ZNF516: variants seen among roughly 807,000 people sequenced by gnomAD.
ZNF516 encodes the protein zinc finger protein 516.
Under a neutral mutation model 79.7 loss-of-function variants are expected in ZNF516, and 19 were observed. The observed-to-expected ratio is 0.24, with a 90% confidence interval of 0.17 to 0.35. The LOEUF is 0.35. Among genes scored for constraint, ZNF516 ranks in the 10% least tolerant of loss-of-function variants. The pLI is 1.00. For missense variants in ZNF516, 1,678 were observed against 1,679.5 expected, an observed-to-expected ratio of 1.00 and a Z score of 0.02; for synonymous variants, 877 against 739.5, an observed-to-expected ratio of 1.19 and a Z score of -3.02.
rs868721467 is a variant in ZNF516 at position 76,360,650 on chromosome 18, T to C, written c.*1848A>G. The C allele has an allele frequency of 2.1e-5, 1 of 48,202 alleles. No homozygotes were observed. The highest frequency in any genetic ancestry group is 4.2e-5 in the Non-Finnish European group (1 of 23,882). 3.0% of individuals were successfully genotyped at this position (48,202 alleles called of 1,614,324 possible). On this transcript the variant is annotated 3_prime_UTR_variant, in exon 7 of 7. Transcript: ENST00000443185. ...AAATAAGTAAAAAAAAAAAAAAATA[T>C]ATATATATATATATATATATATATA...
chr18:76,377,064 G>C (rs892856561), intron 4 of ZNF516, among the ~76,000 whole-genome samples: 47 of 152,252 alleles, frequency 3.1e-4, no homozygotes, highest in Non-Finnish European at 4.3e-4. Flanking sequence ...ACGTGACTGA[G>C]AAACCCTGCT....
intron 4 of ZNF516, among the ~76,000 whole-genome samples, chr18:76,374,442 A>G (rs1406246706): frequency 6.6e-6 from 1 of 152,212 alleles, no homozygotes; most frequent in Non-Finnish European, 1.5e-5. Context: ...TAAAGGAGGT[A>G]GCAATAGTTC....
At chr18:76,475,582 G>A (rs889842627) in intron 1 of ZNF516, among the ~76,000 whole-genome samples, 2 of 152,162 alleles carry the variant, frequency 1.3e-5, no homozygotes, top group African/African-American at 4.8e-5. Flanking sequence ...CAGCCCAAAT[G>A]TCCAACAGGA....
At chr18:76,386,874 T>C (rs1041423155) in intron 3 of ZNF516, 1 of 152,196 alleles carries the variant, frequency 6.6e-6, no homozygotes, top group Non-Finnish European at 1.5e-5. Context: ...TCGGCAACCA[T>C]CATGATGGTT....
intron 4 of ZNF516, among the ~76,000 whole-genome samples, chr18:76,372,260 C>G (rs11660849): frequency 6.6e-6 from 1 of 152,192 alleles, no homozygotes; most frequent in Non-Finnish European, 1.5e-5. Context: ...TCCTTCTGAT[C>G]CAAAAAGCCA....
intron 1 of ZNF516, chr18:76,492,747 C>A (rs1484545019): frequency 2.0e-6 from 2 of 985,450 alleles, no homozygotes; most frequent in African/African-American, 1.7e-5. Context: ...CTTTTCTCCC[C>A]CTTCTGCAGG....
intron 2 of ZNF516, among the ~76,000 whole-genome samples, chr18:76,448,602 A>G (rs1350784801): frequency 6.6e-6 from 1 of 152,214 alleles, no homozygotes; most frequent in Non-Finnish European, 1.5e-5. Flanking sequence ...GGGTATGTAC[A>G]GCGCAAACAT....
chr18:76,490,960 A>C, intron 1 of ZNF516: 1 of 985,342 alleles, frequency 1.0e-6, no homozygotes, highest in Non-Finnish European at 1.2e-6. Flanking sequence ...CACACGCAGA[A>C]CACAAAACCC....
intron 3 of ZNF516, among the ~76,000 whole-genome samples, chr18:76,404,839 G>A (rs1599036801): frequency 1.2e-5 from 1 of 82,760 alleles, no homozygotes; most frequent in Non-Finnish European, 3.6e-5. Flanking sequence ...GTGTATCACT[G>A]TAACTGTGTG....
chr18:76,471,341 C>G lies in ZNF516; in HGVS notation c.-271-8200G>C, dbSNP rs187681112. On this transcript the variant is annotated intron_variant, in intron 1 of 6. Coordinates refer to ENST00000443185, the MANE Select transcript of ZNF516 (RefSeq NM_014643.4). ...GGTGACAGAATGGATTGCTGCAGCT[C>G]TTGAATCACCTCTAACACCTGGCAA... Among the ~76,000 whole-genome samples, 6 of 152,228 alleles carry G rather than the reference C, an allele frequency of 3.9e-5. No homozygotes were observed. In the East Asian group the frequency reaches 1.2e-3, roughly 29 times the overall value.
At position 76,480,733 on chromosome 18, in the gene ZNF516, G is replaced by T. The variant is rs183888319; in HGVS notation, c.-272+14411C>A. Among the ~76,000 whole-genome samples, 3 of 152,174 alleles carry T rather than the reference G, an allele frequency of 2.0e-5. No individual in the cohort carries two copies. In the East Asian group the frequency reaches 5.8e-4, roughly 29 times the overall value. On this transcript the variant is annotated intron_variant, in intron 1 of 6. Coordinates refer to ENST00000443185, the MANE Select transcript of ZNF516 (RefSeq NM_014643.4). ...GATGGGGTTTTGCCATGTTGGCCAGGCTGGTCTCAAACTCCTGACCTCAAG... is the reference window on the plus strand; with the variant it reads ...GATGGGGTTTTGCCATGTTGGCCAGTCTGGTCTCAAACTCCTGACCTCAAG...
In ZNF516 at chr18:76,379,686, G is replaced by A; in HGVS notation, c.2428C>T (p.Leu810Phe). ...GGGCCCGTGCGTCCGCTCCGGGAAA[G>A]GAAAACCAAATTGCTTCTGATGCTT... ...YKSIRSNLVF[L>F]SRSGRTGPPP... Residue 810 changes from leucine to phenylalanine, a missense_variant, in exon 4 of 7, where the codon CTT becomes TTT. Around this residue, in one of 5 missense-constraint regions of ZNF516, gnomAD observed 1,294 missense variants for 1,248.3 expected, o/e 1.04. Transcript: ENST00000443185. 6.2e-7 allele frequency: 1 copy of A among 1,613,708 alleles called. No individual in the cohort carries two copies. The highest frequency in any genetic ancestry group is 8.5e-7 in the Non-Finnish European group (1 of 1,179,902).
intron 3 of ZNF516, chr18:76,388,320 G>GC (rs2075022096): frequency 6.6e-6 from 1 of 152,228 alleles, no homozygotes; most frequent in Non-Finnish European, 1.5e-5. Context: ...TCCACAGATA[G>GC]CAACTGCTAA....
At chr18:76,395,333 C>T (rs562451886) in intron 3 of ZNF516, among the ~76,000 whole-genome samples, 3 of 152,128 alleles carry the variant, frequency 2.0e-5, no homozygotes, top group African/African-American at 7.2e-5. Context: ...ACAGCTTTAT[C>T]GCCACTATCT....
intron 6 of ZNF516, among the ~76,000 whole-genome samples, chr18:76,364,485 G>A (rs531749313): frequency 2.0e-5 from 3 of 152,146 alleles, no homozygotes; most frequent in Non-Finnish European, 4.4e-5. Flanking sequence ...GGAAGATTTC[G>A]CTTTTCTTTT....
intron 1 of ZNF516, among the ~76,000 whole-genome samples, chr18:76,473,764 G>A (rs1190401800): frequency 6.6e-6 from 1 of 150,918 alleles, no homozygotes; most frequent in Non-Finnish European, 1.5e-5. Flanking sequence ...TTGCACCACT[G>A]CACTCCAGCC....
rs185074099 is a variant in ZNF516, at chr18:76,360,702, G to A, written c.*1796C>T. 23 of 120,112 alleles carry A rather than the reference G, an allele frequency of 1.9e-4. No individual in the cohort carries two copies. The highest frequency in any genetic ancestry group is 3.2e-4 in the African/African-American group (10 of 31,326). The allele number at this position is 120,112 out of a possible 1,614,324, so 7.4% of individuals were successfully genotyped here. A position where few individuals can be genotyped will look rare whatever the true frequency, so the allele number is the denominator to read the frequency against. On this transcript the variant is annotated 3_prime_UTR_variant, in exon 7 of 7. Coordinates refer to ENST00000443185, the MANE Select transcript of ZNF516 (RefSeq NM_014643.4). ...ATAAGCTAGCCAGTTACATTGCATCGTTTGAAAGTGTTGCAAAGTAACCTG... is the reference window on the plus strand; with the variant it reads ...ATAAGCTAGCCAGTTACATTGCATCATTTGAAAGTGTTGCAAAGTAACCTG...
intron 1 of ZNF516, among the ~76,000 whole-genome samples, chr18:76,484,678 G>C (rs1226322136): frequency 6.6e-6 from 1 of 152,210 alleles, no homozygotes; most frequent in Non-Finnish European, 1.5e-5. Context: ...AATGTTCACA[G>C]CTAAGCAAAA....
intron 1 of ZNF516, among the ~76,000 whole-genome samples, chr18:76,473,916 G>GGC (rs1914026454): frequency 7.8e-6 from 1 of 128,274 alleles, no homozygotes; most frequent in Admixed American, 7.9e-5. Context: ...GGGGGGGGGG[G>GGC]GCTTTCTTTT....
Sources: allele counts gnomAD v4.1 joint callset (sites outside exome capture counted in the v4.1 genomes callset), GRCh38; gene constraint gnomAD v4.1.1; regional missense constraint gnomAD v4.1.1; transcripts MANE v1.5; gene names NCBI Gene and HGNC (gene_info 2026-07-23, HGNC 2026-07-21).